Variants in CALN1 observed in about 807,000 individuals in gnomAD.
CALN1 encodes calneuron 1.
Under a neutral mutation model 30.6 loss-of-function variants are expected in CALN1, and 17 were observed. The ratio of observed to expected loss-of-function variants is 0.56; its 90% CI spans 0.38 to 0.83. The LOEUF (loss-of-function observed/expected upper bound fraction) is 0.83, where lower values mean the gene tolerates loss of function less well. Ranked by LOEUF, CALN1 falls within the 40% of genes least tolerant of loss-of-function variation. CALN1 has a pLI of 0.00. For synonymous variants in CALN1, 156 were observed against 131.4 expected (o/e 1.19, Z -1.28); for missense variants, 291 against 354.9 (o/e 0.82, Z 1.45).
chr7:71,921,362 T>C (rs6977545), intron 5 of CALN1, among the ~76,000 whole-genome samples: 10,328 of 152,104 alleles, frequency 0.068, 1,150 homozygotes, highest in African/African-American at 0.23. Flanking sequence ...AGTATAATAA[T>C]AAAAAAAGAA....
At chr7:72,247,297 G>A (rs1389166404) in intron 3 of CALN1, among the ~76,000 whole-genome samples, 2 of 132,750 alleles carry the variant, frequency 1.5e-5, no homozygotes, top group Non-Finnish European at 3.1e-5. Context: ...CACCCAGGCT[G>A]GAGTGCAGTG....
chr7:71,922,993 T>C (rs1795053677), intron 5 of CALN1, among the ~76,000 whole-genome samples: 1 of 147,806 alleles, frequency 6.8e-6, no homozygotes, highest in African/African-American at 2.6e-5. Flanking sequence ...TATGTATCTA[T>C]CTAACTACAC....
chr7:72,135,288 G>T (rs1310441479), intron 3 of CALN1, among the ~76,000 whole-genome samples: 2 of 152,186 alleles, frequency 1.3e-5, no homozygotes, highest in African/African-American at 4.8e-5. Flanking sequence ...AACCTTTCCA[G>T]AAGGCTTTAA....
intron 2 of CALN1, chr7:72,336,593 G>C (rs977932024): frequency 5.6e-6 from 4 of 710,398 alleles, no homozygotes; most frequent in East Asian, 1.3e-4. Context: ...CTGAGCACCA[G>C]GGCCCGCGAC....
chr7:72,091,314 G>C (rs1468119152), intron 4 of CALN1, among the ~76,000 whole-genome samples: 1 of 152,206 alleles, frequency 6.6e-6, no homozygotes, highest in Non-Finnish European at 1.5e-5. Context: ...CTGGGTGACA[G>C]AGTGAGACTC....
intron 3 of CALN1, among the ~76,000 whole-genome samples, chr7:72,245,089 G>T (rs1012110709): frequency 1.3e-5 from 2 of 152,146 alleles, no homozygotes; most frequent in African/African-American, 4.8e-5. Flanking sequence ...AGTTCTCTTG[G>T]AGGAAAATAT....
chr7:72,025,036 T>C (rs1800964711), intron 4 of CALN1, among the ~76,000 whole-genome samples: 1 of 152,018 alleles, frequency 6.6e-6, no homozygotes, highest in Admixed American at 6.6e-5. Flanking sequence ...CCTGGCCAGG[T>C]GCGGTGGCTC....
At chr7:72,131,677 A>G (rs1809158354) in intron 3 of CALN1, among the ~76,000 whole-genome samples, 1 of 152,120 alleles carries the variant, frequency 6.6e-6, no homozygotes, top group African/African-American at 2.4e-5. Flanking sequence ...GTCTCATCCC[A>G]TGACCTCGTA....
intron 3 of CALN1, among the ~76,000 whole-genome samples, chr7:72,207,567 C>G (rs553691237): frequency 6.6e-6 from 1 of 152,234 alleles, no homozygotes; most frequent in South Asian, 2.1e-4. Flanking sequence ...CTGCAAGATC[C>G]GCCTCCTGGT....
intron 2 of CALN1, among the ~76,000 whole-genome samples, chr7:72,330,124 C>G (rs1432783946): frequency 6.6e-6 from 1 of 151,958 alleles, no homozygotes. Flanking sequence ...GAAACCCCGT[C>G]TCTACTAAAA....
intron 3 of CALN1, among the ~76,000 whole-genome samples, chr7:72,259,025 G>A (rs977822646): frequency 6.6e-6 from 1 of 151,752 alleles, no homozygotes; most frequent in Non-Finnish European, 1.5e-5. Flanking sequence ...AGGTTGCAGT[G>A]AGCCAAGATC....
At chr7:72,487,862 A>T in the CALN1 span, among the ~76,000 whole-genome samples, 14,785 of 89,506 alleles carry the variant, frequency 0.17, 1,178 homozygotes, top group African/African-American at 0.26. Flanking sequence ...AAGAGAAAGA[A>T]AGAAAGAAAG....
intron 4 of CALN1, among the ~76,000 whole-genome samples, chr7:72,105,847 G>A (rs1243138699): frequency 3.6e-5 from 4 of 110,242 alleles, no homozygotes; most frequent in African/African-American, 1.4e-4. Flanking sequence ...ATGGGGATGA[G>A]GGAGGGGGAA....
chr7:72,106,747 A>G (rs1807165327), intron 3 of CALN1, among the ~76,000 whole-genome samples: 2 of 69,908 alleles, frequency 2.9e-5, no homozygotes, highest in African/African-American at 5.7e-5. Flanking sequence ...GGAGGGAGGA[A>G]GGAAGGGAGG....
chr7:72,023,698 C>T lies in CALN1; in HGVS notation c.460G>A (p.Asp154Asn), dbSNP rs748456626. Residue 154 changes from aspartate (D) to asparagine (N), a missense_variant, in exon 5 of 7, where the codon GAT becomes AAT. Physicochemically the swap from Asp to Asn is conservative, Grantham distance 23. This residue lies in a region of CALN1 where 169 missense variants were observed against 251.7 expected (regional missense o/e 0.67). Coordinates refer to ENST00000395275, the MANE Select transcript of CALN1 (RefSeq NM_031468.4). ...TCTATCGTGTTCCCAAGAAAACCAT[C>T]GCGACCTTCTGAAGACACCAGTTTG... ...GPKLVSSEGR[D>N]GFLGNTIDSI... is the part of the protein sequence containing the mutation. 52 of 1,613,818 alleles carry T rather than the reference C, an allele frequency of 3.2e-5. No homozygotes were observed. The highest frequency in any genetic ancestry group is 5.5e-5 in the South Asian group (5 of 91,032).
At chr7:72,028,276 C>CCT (rs2308159) in intron 4 of CALN1, among the ~76,000 whole-genome samples, 43,184 of 151,856 alleles carry the variant, frequency 0.28, 9,576 homozygotes, top group African/African-American at 0.62. Context: ...AGACCACCCA[C>CCT]CTCTGAAACC....
intron 3 of CALN1, among the ~76,000 whole-genome samples, chr7:72,149,973 A>G (rs1191615982): frequency 6.6e-6 from 1 of 151,928 alleles, no homozygotes; most frequent in Admixed American, 6.6e-5. Context: ...AAAAAAAAAA[A>G]TTAGCCAGGC....
the CALN1 span, among the ~76,000 whole-genome samples, chr7:72,483,290 T>C: frequency 6.9e-6 from 1 of 145,384 alleles, no homozygotes; most frequent in Non-Finnish European, 1.5e-5. Flanking sequence ...CTTTTTTTTT[T>C]TTTTTTTTTT....
chr7:72,368,285 T>G (rs575115058), intron 2 of CALN1, among the ~76,000 whole-genome samples: 1 of 149,826 alleles, frequency 6.7e-6, no homozygotes, highest in Admixed American at 6.8e-5. Context: ...GCTGGTAACG[T>G]AGATATATTC....
Sources: allele counts gnomAD v4.1 joint callset (sites outside exome capture counted in the v4.1 genomes callset), GRCh38; gene constraint gnomAD v4.1.1; regional missense constraint gnomAD v4.1.1; transcripts MANE v1.5; gene names NCBI Gene and HGNC (gene_info 2026-07-23, HGNC 2026-07-21).